RAPGEF5: variants seen among roughly 807,000 people sequenced by gnomAD.
RAPGEF5 encodes Rap guanine nucleotide exchange factor 5, also known as M-Ras-regulated GEF.
In RAPGEF5, 65 loss-of-function variants were observed where a neutral mutation model predicts 125.2. That is an observed-to-expected ratio of 0.52 (90% CI 0.43 to 0.64). The LOEUF (loss-of-function observed/expected upper bound fraction) is 0.64, where lower values mean the gene tolerates loss of function less well. RAPGEF5 is among the 30% of genes least tolerant of loss of function. The probability of loss-of-function intolerance (pLI) is 0.00; values close to 1 mark genes in which losing one functional copy is unlikely to be tolerated. For missense variants in RAPGEF5, 958 were observed against 1,048.1 expected (o/e 0.91, Z 1.19); for synonymous variants, 391 against 385.9 (o/e 1.01, Z -0.16).
chr7:22,178,449 G>A (rs946599883), intron 11 of RAPGEF5, among the ~76,000 whole-genome samples: 2 of 152,192 alleles, frequency 1.3e-5, no homozygotes, highest in Admixed American at 6.5e-5. Context: ...ACAAGTCTCA[G>A]GTTGTCACCT....
At chr7:22,301,332 A>T (rs1783194023) in intron 5 of RAPGEF5, among the ~76,000 whole-genome samples, 1 of 152,276 alleles carries the variant, frequency 6.6e-6, no homozygotes, top group Middle Eastern at 3.4e-3. Flanking sequence ...AATTAAGAGT[A>T]GGGCCAGGCG....
intron 11 of RAPGEF5, among the ~76,000 whole-genome samples, chr7:22,184,398 T>C (rs2060615268): frequency 2.0e-5 from 3 of 152,234 alleles, no homozygotes; most frequent in Non-Finnish European, 4.4e-5. Context: ...ACTGTAACAT[T>C]TGCATAACCT....
At chr7:22,318,138 G>GA (rs34008002) in intron 1 of RAPGEF5, 101 bp from the exon 2 acceptor site, 101,164 of 690,776 alleles carry the variant, frequency 0.15, 567 homozygotes, top group East Asian at 0.21. Flanking sequence ...CCTCTGCTAT[G>GA]AAAAAAAAAA....
In RAPGEF5 at chr7:22,248,141, A is replaced by T. The variant is rs148586034; in HGVS notation, c.797-17222T>A. Among the ~76,000 whole-genome samples, 349 of 152,242 alleles carry T rather than the reference A, an allele frequency of 2.3e-3. 2 individuals carry two copies. The East Asian group carries it at 0.024, about 10-fold the overall frequency. ...AAAATTAAAGTTGAAATTTTTTTTTAAAATCATCAAAGTAAAAAGAAACAA... is the reference window on the plus strand; with the variant it reads ...AAAATTAAAGTTGAAATTTTTTTTTTAAATCATCAAAGTAAAAAGAAACAA... On this transcript the variant is annotated intron_variant, in intron 7 of 25. Coordinates refer to ENST00000665637, the MANE Select transcript of RAPGEF5 (RefSeq NM_012294.5).
intron 7 of RAPGEF5, among the ~76,000 whole-genome samples, chr7:22,249,200 T>C (rs1400626681): frequency 1.3e-5 from 2 of 152,178 alleles, no homozygotes; most frequent in Admixed American, 1.3e-4. Context: ...TTTGTTTTGT[T>C]TTGTTTTTTA....
intron 1 of RAPGEF5, among the ~76,000 whole-genome samples, chr7:22,355,481 C>T (rs982488950): frequency 6.6e-6 from 1 of 152,164 alleles, no homozygotes; most frequent in African/African-American, 2.4e-5. Context: ...AACTCCAGTT[C>T]TTGTTTATTC....
intron 2 of RAPGEF5, among the ~76,000 whole-genome samples, chr7:22,316,394 A>G (rs999368221): frequency 1.4e-5 from 2 of 143,188 alleles, no homozygotes; most frequent in Non-Finnish European, 3.0e-5. Context: ...TTAAATGTGT[A>G]TCTACTATAT....
chr7:22,293,510 G>A (rs1295534094), intron 5 of RAPGEF5, among the ~76,000 whole-genome samples: 5 of 152,038 alleles, frequency 3.3e-5, no homozygotes, highest in Non-Finnish European at 7.4e-5. Context: ...ACCACCTTCT[G>A]ACAAGCTTGT....
rs182374095 is a variant in RAPGEF5 at position 22,268,086 on chromosome 7, C to T, written c.748-1074G>A. ...GCATTATCACCCCTGCAGAAGGCAGCTTGTCCCATCTGTCTTTATTGCTGC... is the reference window on the plus strand; with the variant it reads ...GCATTATCACCCCTGCAGAAGGCAGTTTGTCCCATCTGTCTTTATTGCTGC... On this transcript the variant is annotated intron_variant, in intron 6 of 25. Coordinates refer to ENST00000665637, the MANE Select transcript of RAPGEF5 (RefSeq NM_012294.5). 3.3e-5 allele frequency among the ~76,000 whole-genome samples: 5 copies of T among 152,330 alleles called. No homozygotes were observed. The East Asian group carries it at 9.6e-4, about 29-fold the overall frequency.
chr7:22,194,841 C>T (rs1744263215), intron 9 of RAPGEF5: 1 of 867,510 alleles, frequency 1.2e-6, no homozygotes, highest in Non-Finnish European at 1.4e-6. Flanking sequence ...TCACAGAGGA[C>T]AGCTTGCTGC....
At chr7:22,272,440 C>T (rs900183544) in intron 6 of RAPGEF5, among the ~76,000 whole-genome samples, 4 of 150,948 alleles carry the variant, frequency 2.6e-5, no homozygotes, top group African/African-American at 9.7e-5. Context: ...GTCTTAGTTA[C>T]CAAAGCGTTG....
At chr7:22,137,738 G>A (rs1783122064) in intron 21 of RAPGEF5, among the ~76,000 whole-genome samples, 1 of 152,144 alleles carries the variant, frequency 6.6e-6, no homozygotes, top group African/African-American at 2.4e-5. Context: ...TCTCGGATCT[G>A]TTTCTTCAGC....
chr7:22,118,402 T>C lies in RAPGEF5; in HGVS notation c.*4004A>G, dbSNP rs1000794387. 3 of 152,630 alleles carry C rather than the reference T, an allele frequency of 2.0e-5. No homozygotes were observed. The highest frequency in any genetic ancestry group is 4.8e-5 in the African/African-American group (2 of 41,450). The allele number at this position is 152,630 out of a possible 1,614,324, so 9.5% of individuals were successfully genotyped here. On this transcript the variant is annotated 3_prime_UTR_variant, in exon 26 of 26. Coordinates refer to ENST00000665637, the MANE Select transcript of RAPGEF5 (RefSeq NM_012294.5). ...GTTACTTATATAAGTTTTAACCTTATATTGCTTGGCCATTTTTACATATAA... is the reference window on the plus strand; with the variant it reads ...GTTACTTATATAAGTTTTAACCTTACATTGCTTGGCCATTTTTACATATAA...
chr7:22,264,033 A>G (rs75873742), intron 7 of RAPGEF5, among the ~76,000 whole-genome samples: 4 of 152,248 alleles, frequency 2.6e-5, no homozygotes, highest in Non-Finnish European at 5.9e-5. Context: ...AAAAATTACT[A>G]TATTAATTCT....
chr7:22,212,201 T>C (rs1369614199), intron 9 of RAPGEF5, among the ~76,000 whole-genome samples: 1 of 152,106 alleles, frequency 6.6e-6, no homozygotes, highest in African/African-American at 2.4e-5. Context: ...TCTTAATCTC[T>C]TGACCTCGTA....
At chr7:22,276,783 T>C (rs1782568270) in intron 6 of RAPGEF5, among the ~76,000 whole-genome samples, 1 of 152,158 alleles carries the variant, frequency 6.6e-6, no homozygotes. Context: ...CCTCATAGGA[T>C]TGTTGTGAGA....
At chr7:22,193,710 C>G (rs1383493314) in intron 10 of RAPGEF5, 2 of 1,552,548 alleles carry the variant, frequency 1.3e-6, no homozygotes, top group East Asian at 4.9e-5. Flanking sequence ...AAAGATCTTG[C>G]CATCCCTGTC....
intron 11 of RAPGEF5, among the ~76,000 whole-genome samples, chr7:22,184,030 G>A (rs985686384): frequency 2.0e-5 from 3 of 152,116 alleles, no homozygotes; most frequent in Non-Finnish European, 4.4e-5. Flanking sequence ...TTTCTGGCAT[G>A]CTCTAGACTT....
chr7:22,211,676 C>T (rs1300375962), intron 9 of RAPGEF5, among the ~76,000 whole-genome samples: 1 of 152,194 alleles, frequency 6.6e-6, no homozygotes, highest in Non-Finnish European at 1.5e-5. Context: ...GTGACCCATT[C>T]TCCTCCTTCA....
Sources: allele counts gnomAD v4.1 joint callset (sites outside exome capture counted in the v4.1 genomes callset), GRCh38; gene constraint gnomAD v4.1.1; transcripts MANE v1.5; gene names NCBI Gene and HGNC (gene_info 2026-07-23, HGNC 2026-07-21).